The following THSD7A variants were observed in gnomAD, a reference collection of about 807,000 sequenced individuals.
THSD7A encodes thrombospondin type 1 domain containing 7A, also known as thrombospondin type-1 domain-containing protein 7A.
A neutral mutation model predicts 231.3 loss-of-function variants in THSD7A; 96 were observed. The observed-to-expected ratio is 0.41, with a 90% CI of 0.35 to 0.49. The LOEUF is 0.49. Among genes scored for constraint, THSD7A ranks in the 20% least tolerant of loss-of-function variants. The pLI is 0.05. For missense variants in THSD7A, 2,290 were observed against 2,070.2 expected (o/e 1.11, Z -2.06); for synonymous variants, 940 against 743.3 (o/e 1.26, Z -4.30).
chr7:11,506,092 T>C (rs944340659), intron 6 of THSD7A, among the ~76,000 whole-genome samples: 1 of 152,072 alleles, frequency 6.6e-6, no homozygotes, highest in Non-Finnish European at 1.5e-5. Flanking sequence ...ATGCAGATAA[T>C]TTAACTTCAA....
At chr7:11,644,179 T>G (rs1782196836) in intron 1 of THSD7A, among the ~76,000 whole-genome samples, 1 of 152,084 alleles carries the variant, frequency 6.6e-6, no homozygotes, top group Non-Finnish European at 1.5e-5. Flanking sequence ...ATCTTTTTGC[T>G]TATTTTATAC....
chr7:11,392,497 A>C (rs1783021944), intron 23 of THSD7A, among the ~76,000 whole-genome samples: 1 of 151,868 alleles, frequency 6.6e-6, no homozygotes, highest in African/African-American at 2.4e-5. Flanking sequence ...TTTTTTTTTC[A>C]TACCCAAGTG....
chr7:11,634,944 GA>G lies in THSD7A; in HGVS notation c.1022+1185del, dbSNP rs150541925. Among the ~76,000 whole-genome samples the G allele has an allele frequency of 8.0e-5, 12 of 149,270 alleles. No homozygotes were observed. Among genetic ancestry groups the G allele is most frequent in the South Asian group, 2.1e-4 (1 of 4,722 alleles). ...CAAAATCAGTAGACAAGAATAGATT[GA>G]AAAAAAAATCAGGTGAGAAAAAAAA... On this transcript the variant is annotated intron_variant, in intron 2 of 27. Coordinates refer to ENST00000423059, the MANE Select transcript of THSD7A (RefSeq NM_015204.3). The surrounding 1 kb of genome is among the most constrained non-coding windows in gnomAD (Gnocchi z 4.1).
At chr7:11,465,684 A>G (rs1007112687) in intron 9 of THSD7A, among the ~76,000 whole-genome samples, 1 of 152,124 alleles carries the variant, frequency 6.6e-6, no homozygotes, top group African/African-American at 2.4e-5. Context: ...TAGTATTCAG[A>G]TCTTTGGTGG....
rs187771447 is a variant in THSD7A, at chr7:11,566,297, T to C, written c.1454-23180A>G. Among the ~76,000 whole-genome samples the C allele has an allele frequency of 4.2e-3, 640 of 152,314 alleles. 2 individuals carry two copies. The highest frequency in any genetic ancestry group is 6.5e-3 in the Non-Finnish European group (440 of 68,034). ...CAGTACATGTCTCCATTACTGGGGT[T>C]TGGGGAGAGAGGTAGGAGAGACAGA... On this transcript the variant is annotated intron_variant, in intron 4 of 27. Coordinates refer to ENST00000423059, the MANE Select transcript of THSD7A (RefSeq NM_015204.3).
At position 11,474,284 on chromosome 7, in the gene THSD7A, C is replaced by A; in HGVS notation, c.2252+50G>T. 1 of 1,488,878 alleles carries A rather than the reference C, an allele frequency of 6.7e-7. No individual in the cohort carries two copies. Among genetic ancestry groups the A allele is most frequent in the South Asian group, 1.3e-5 (1 of 79,478 alleles). The allele number at this position is 1,488,878 out of a possible 1,614,324, so 92.2% of individuals were successfully genotyped here. A position where few individuals can be genotyped will look rare whatever the true frequency, so the allele number is the denominator to read the frequency against. ...GAAGCCAGTGAAGCCTGAGCCAATC[C>A]TCTGCACAGGTGGCTACACGATTTA... On this transcript the variant is annotated intron_variant, in intron 8 of 27. Coordinates refer to ENST00000423059, the MANE Select transcript of THSD7A (RefSeq NM_015204.3). The surrounding 1 kb of genome is among the most constrained non-coding windows in gnomAD (Gnocchi z 4.1).
At chr7:11,502,446 T>G (rs551288136) in intron 6 of THSD7A, among the ~76,000 whole-genome samples, 1 of 152,268 alleles carries the variant, frequency 6.6e-6, no homozygotes, top group Non-Finnish European at 1.5e-5. Context: ...CATTATCAAG[T>G]AGGCTTCATC....
chr7:11,618,306 G>A (rs984127323), intron 2 of THSD7A, among the ~76,000 whole-genome samples: 5 of 152,116 alleles, frequency 3.3e-5, no homozygotes, highest in African/African-American at 9.7e-5. Flanking sequence ...GTATACACAT[G>A]CATATTGTAT....
At chr7:11,803,992 G>C (rs1236457775) in intron 1 of THSD7A, among the ~76,000 whole-genome samples, 3 of 151,974 alleles carry the variant, frequency 2.0e-5, no homozygotes, top group Non-Finnish European at 4.4e-5. Flanking sequence ...TTTGTATTTT[G>C]AATTATCATA....
chr7:11,466,171 C>A (rs900994187), intron 9 of THSD7A, among the ~76,000 whole-genome samples: 1 of 152,140 alleles, frequency 6.6e-6, no homozygotes, highest in Non-Finnish European at 1.5e-5. Context: ...ATAAGCCCAA[C>A]ATCTTTGTAA....
intron 7 of THSD7A, among the ~76,000 whole-genome samples, chr7:11,480,115 C>G (rs1443307986): frequency 6.6e-6 from 1 of 152,176 alleles, no homozygotes; most frequent in Admixed American, 6.5e-5. Flanking sequence ...ATATAAACAT[C>G]TATAACTTTC....
chr7:11,392,425 C>T (rs1047062402), intron 23 of THSD7A, among the ~76,000 whole-genome samples: 4 of 152,184 alleles, frequency 2.6e-5, no homozygotes, highest in African/African-American at 9.6e-5. Context: ...ACCACCAGGG[C>T]CTTGGGTTTC....
In THSD7A at chr7:11,689,811, T is replaced by TAAA. The variant is rs35668623; in HGVS notation, c.191-52853_191-52851dup. 5.3e-4 allele frequency among the ~76,000 whole-genome samples: 68 copies of TAAA among 129,502 alleles called. 2 individuals are homozygous for TAAA. The highest frequency in any genetic ancestry group is 4.0e-3 in the Middle Eastern group (1 of 248). The allele number at this position is 129,502 out of a possible 152,430, so 85.0% of individuals were successfully genotyped here. On this transcript the variant is annotated intron_variant, in intron 1 of 27. Coordinates refer to ENST00000423059, the MANE Select transcript of THSD7A (RefSeq NM_015204.3). ...AAATTCTCACCCATTTGGAATTAGT[T>TAAA]AAAAAAAAAAAAAAAAAGGCAAGTT...
intron 1 of THSD7A, among the ~76,000 whole-genome samples, chr7:11,717,768 T>C (rs1425282312): frequency 6.6e-6 from 1 of 151,642 alleles, no homozygotes; most frequent in African/African-American, 2.4e-5. Context: ...AACTAAGAAG[T>C]AGATATGAAG....
chr7:11,452,551 G>A (rs763147452), intron 11 of THSD7A, among the ~76,000 whole-genome samples: 3 of 151,952 alleles, frequency 2.0e-5, no homozygotes, highest in Non-Finnish European at 4.4e-5. Context: ...GAGAATACTA[G>A]GATGAGAACT....
rs2128359376 is a variant in THSD7A at position 11,634,618 on chromosome 7, C to CA, written c.1022+1511dup. 6.6e-6 allele frequency among the ~76,000 whole-genome samples: 1 copy of CA among 152,002 alleles called. No individual in the cohort carries two copies. Among genetic ancestry groups the CA allele is most frequent in the East Asian group, 1.9e-4 (1 of 5,188 alleles). ...ACACACACACACACACACATACACACACACACATTTAAGGAGTTGTAGGAA... is the reference window on the plus strand; with the variant it reads ...ACACACACACACACACACATACACACAACACACATTTAAGGAGTTGTAGGAA... On this transcript the variant is annotated intron_variant, in intron 2 of 27. Coordinates refer to ENST00000423059, the MANE Select transcript of THSD7A (RefSeq NM_015204.3). This position sits in a 1 kb window ranked among gnomAD's most constrained non-coding sequence, Gnocchi z 4.1.
intron 1 of THSD7A, among the ~76,000 whole-genome samples, chr7:11,644,549 G>A (rs1231255885): frequency 1.3e-5 from 2 of 151,838 alleles, no homozygotes; most frequent in Non-Finnish European, 2.9e-5. Flanking sequence ...GATAAGGAGA[G>A]ATCACTGTAG....
chr7:11,779,215 A>T (rs1721003552), intron 1 of THSD7A, among the ~76,000 whole-genome samples: 1 of 152,176 alleles, frequency 6.6e-6, no homozygotes, highest in African/African-American at 2.4e-5. Context: ...TCAATTCTAT[A>T]ATGTGCCACC....
At chr7:11,823,668 C>T (rs1218564978) in intron 1 of THSD7A, among the ~76,000 whole-genome samples, 1 of 152,022 alleles carries the variant, frequency 6.6e-6, no homozygotes, top group Non-Finnish European at 1.5e-5. Flanking sequence ...AGAGATTATA[C>T]ATGTCTTTAG....
Sources: allele counts gnomAD v4.1 joint callset (sites outside exome capture counted in the v4.1 genomes callset), GRCh38; gene constraint gnomAD v4.1.1; non-coding constraint Gnocchi (gnomAD v3.1); transcripts MANE v1.5; gene names NCBI Gene and HGNC (gene_info 2026-07-23, HGNC 2026-07-21).